The following SORCS1 variants were observed in gnomAD, a reference collection of about 807,000 sequenced individuals.
SORCS1 encodes the protein VPS10 domain-containing receptor SorCS1.
A neutral mutation model predicts 146.1 loss-of-function variants in SORCS1; 60 were observed. The observed-to-expected ratio is 0.41, with a 90% CI of 0.33 to 0.51. The LOEUF (loss-of-function observed/expected upper bound fraction) is 0.51, where lower values mean the gene tolerates loss of function less well. SORCS1 is among the 20% of genes least tolerant of loss of function. The probability of loss-of-function intolerance (pLI) is 0.21; values close to 1 mark genes in which losing one functional copy is unlikely to be tolerated. For missense variants in SORCS1, 1,352 were observed against 1,487.6 expected (o/e 0.91, Z 1.50); for synonymous variants, 637 against 584.0 (o/e 1.09, Z -1.31).
chr10:106,725,875 G>A (rs1195497485), intron 6 of SORCS1, among the ~76,000 whole-genome samples: 1 of 150,850 alleles, frequency 6.6e-6, no homozygotes, highest in African/African-American at 2.4e-5. Context: ...AGGTTGCAGT[G>A]AGCCGAGATG....
chr10:106,626,229 C>T (rs1848103521), intron 19 of SORCS1, among the ~76,000 whole-genome samples: 1 of 152,064 alleles, frequency 6.6e-6, no homozygotes, highest in Admixed American at 6.6e-5. Flanking sequence ...AGAGGACAGG[C>T]TTGGTGAGCT....
intron 2 of SORCS1, among the ~76,000 whole-genome samples, chr10:106,894,338 G>A (rs1397688501): frequency 6.6e-6 from 1 of 151,740 alleles, no homozygotes; most frequent in Non-Finnish European, 1.5e-5. Flanking sequence ...CTGTGGTGCA[G>A]ATAAGGGGAA....
rs562693645 is a variant in SORCS1, at chr10:106,688,280, G to C, written c.1472C>G (p.Thr491Ser). The change falls in exon 10 of 26, where the codon ACT becomes AGT. Residue 491 changes from threonine (T) to serine (S), a missense_variant. Transcript: ENST00000263054. ...TCTGCCTTTGTTATATGTGATGAAA[G>C]TCTTCACTTGGTTGTCAATCTTCTT... ...ANKKIDNQVK[T>S]FITYNKGRDW... 1.9e-6 allele frequency: 3 copies of C among 1,614,018 alleles called. No homozygotes were observed. The highest frequency in any genetic ancestry group is 2.5e-6 in the Non-Finnish European group (3 of 1,179,924).
rs139482509 is a variant in SORCS1 at position 106,829,213 on chromosome 10, G to A, written c.726+361C>T. 7.9e-3 allele frequency among the ~76,000 whole-genome samples: 1,200 copies of A among 152,286 alleles called. 13 individuals are homozygous for A. Among genetic ancestry groups the A allele is most frequent in the African/African-American group, 0.027 (1,142 of 41,564 alleles). On this transcript the variant is annotated intron_variant, in intron 3 of 25. Transcript: ENST00000263054. ...ATTTGTTCCATGTCAAGGAAAAACT[G>A]GGACATCAGATGAAAATCCATCTTT...
intron 2 of SORCS1, among the ~76,000 whole-genome samples, chr10:106,899,984 C>T (rs1951641645): frequency 1.3e-5 from 2 of 151,758 alleles, no homozygotes; most frequent in Admixed American, 6.6e-5. Flanking sequence ...TTTTTTCCTC[C>T]ATGAGATGTC....
At chr10:107,074,314 G>T (rs898287315) in intron 1 of SORCS1, among the ~76,000 whole-genome samples, 1 of 152,020 alleles carries the variant, frequency 6.6e-6, no homozygotes, top group Non-Finnish European at 1.5e-5. Context: ...TTTCAGATTG[G>T]CTTTTTTCAT....
In SORCS1 at chr10:106,575,157, C is replaced by T. The variant is rs1349257226; in HGVS notation, c.*2263G>A. ...CCACATTAAATTTGGGAGACTCCAA[C>T]TGAAGAGGATCAATGAGGATGTTTC... is the stretch of plus-strand genomic sequence containing the variant. On this transcript the variant is annotated 3_prime_UTR_variant, in exon 26 of 26. Coordinates refer to ENST00000263054, the MANE Select transcript of SORCS1 (RefSeq NM_052918.5). 1 of 152,612 alleles carries T rather than the reference C, an allele frequency of 6.6e-6. No individual in the cohort carries two copies. Among genetic ancestry groups the T allele is most frequent in the African/African-American group, 2.4e-5 (1 of 41,450 alleles). 9.5% of individuals were successfully genotyped at this position (152,612 alleles called of 1,614,324 possible).
At chr10:106,912,926 C>T (rs1289037507) in intron 2 of SORCS1, among the ~76,000 whole-genome samples, 7 of 152,088 alleles carry the variant, frequency 4.6e-5, no homozygotes, top group East Asian at 1.9e-4. Context: ...GTGATCCACC[C>T]GCCTCAGCCT....
At position 106,941,964 on chromosome 10, in the gene SORCS1, G is replaced by A. The variant is rs140531854; in HGVS notation, c.626+14549C>T. ...CTGCTTAGTGTTCCCCAAAGGTGTG[G>A]AGGTGGGTTGTCACTCACAAATAAC... On this transcript the variant is annotated intron_variant, in intron 2 of 25. Coordinates refer to ENST00000263054, the MANE Select transcript of SORCS1 (RefSeq NM_052918.5). Among the ~76,000 whole-genome samples the A allele has an allele frequency of 1.2e-4, 18 of 152,298 alleles. No homozygotes were observed. The East Asian group carries it at 2.5e-3, about 21-fold the overall frequency.
chr10:106,698,720 G>A (rs1853896652), intron 9 of SORCS1, among the ~76,000 whole-genome samples: 1 of 152,030 alleles, frequency 6.6e-6, no homozygotes, highest in Non-Finnish European at 1.5e-5. Flanking sequence ...TCATTCTCTG[G>A]CCCTGTGAGA....
At chr10:107,111,159 TAAC>T (rs1225776231) in intron 1 of SORCS1, among the ~76,000 whole-genome samples, 2 of 152,178 alleles carry the variant, frequency 1.3e-5, no homozygotes, top group African/African-American at 4.8e-5. Context: ...GCTACAGCGA[TAAC>T]AACAAATCAG....
At chr10:106,601,744 G>A (rs568749226) in intron 23 of SORCS1, among the ~76,000 whole-genome samples, 104 of 152,324 alleles carry the variant, frequency 6.8e-4, no homozygotes, top group African/African-American at 2.3e-3. Flanking sequence ...ACTGGCTGGT[G>A]GAGCGGCCAT....
At chr10:106,790,881 T>C (rs770984177) in intron 3 of SORCS1, among the ~76,000 whole-genome samples, 8 of 152,212 alleles carry the variant, frequency 5.3e-5, no homozygotes, top group Non-Finnish European at 7.3e-5. Flanking sequence ...AGTTTAGGTA[T>C]TGTGTTCACA....
intron 2 of SORCS1, among the ~76,000 whole-genome samples, chr10:106,941,326 A>T (rs1589753106): frequency 6.6e-6 from 1 of 152,156 alleles, no homozygotes; most frequent in East Asian, 1.9e-4. Context: ...GGTGATCCAC[A>T]CTCAACATCA....
At chr10:106,674,427 C>T (rs1851872400) in intron 14 of SORCS1, among the ~76,000 whole-genome samples, 1 of 146,794 alleles carries the variant, frequency 6.8e-6, no homozygotes, top group Admixed American at 6.9e-5. Flanking sequence ...CATTGATGAC[C>T]AGATCAACTA....
intron 16 of SORCS1, among the ~76,000 whole-genome samples, chr10:106,668,588 G>A (rs753312217): frequency 2.6e-5 from 4 of 152,124 alleles, no homozygotes; most frequent in Admixed American, 6.5e-5. Flanking sequence ...GGCAGCAATC[G>A]GCAAGCATTA....
At chr10:106,663,178 TA>T (rs1283380562) in intron 17 of SORCS1, among the ~76,000 whole-genome samples, 1 of 152,206 alleles carries the variant, frequency 6.6e-6, no homozygotes, top group African/African-American at 2.4e-5. Context: ...TAATAATACT[TA>T]ATACTATGAA....
intron 5 of SORCS1, among the ~76,000 whole-genome samples, chr10:106,750,804 A>C (rs1464419140): frequency 6.8e-6 from 1 of 146,368 alleles, no homozygotes; most frequent in Non-Finnish European, 1.5e-5. Flanking sequence ...TCATGCCTGT[A>C]ATCCCAGCAC....
At chr10:107,106,131 T>A (rs898355318) in intron 1 of SORCS1, among the ~76,000 whole-genome samples, 2 of 152,158 alleles carry the variant, frequency 1.3e-5, no homozygotes, top group Non-Finnish European at 2.9e-5. Context: ...TGGATGAGGA[T>A]CTCCTTGTCA....
Sources: gnomAD v4.1 joint callset for allele counts (sites outside exome capture counted in the v4.1 genomes callset) on GRCh38, gnomAD v4.1.1 for gene constraint, MANE v1.5 for transcripts, NCBI Gene and HGNC (gene_info 2026-07-23, HGNC 2026-07-21) for gene names.